The following SLCO3A1 variants were observed in gnomAD, a reference collection of about 807,000 sequenced individuals.
SLCO3A1 encodes the protein PGE1 transporter.
SLCO3A1 carries 27 observed loss-of-function variants against 63.1 expected under a neutral mutation model. That is an observed-to-expected ratio of 0.43 (90% confidence interval 0.32 to 0.59). The LOEUF is 0.59. Ranked by LOEUF, SLCO3A1 falls within the 20% of genes least tolerant of loss-of-function variation. The pLI is 0.09. For missense variants in SLCO3A1, 773 were observed against 945.8 expected (o/e 0.82, Z 2.40); for synonymous variants, 473 against 409.9 (o/e 1.15, Z -1.86).
At chr15:91,933,760 C>T (rs144776318) in intron 2 of SLCO3A1, among the ~76,000 whole-genome samples, 3 of 152,312 alleles carry the variant, frequency 2.0e-5, no homozygotes, top group East Asian at 3.9e-4. Context: ...GCAACTGAGG[C>T]ACAGAGAGGT....
At chr15:92,070,361 GGT>G (rs2047200326) in intron 2 of SLCO3A1, among the ~76,000 whole-genome samples, 1 of 152,228 alleles carries the variant, frequency 6.6e-6, no homozygotes, top group Admixed American at 6.5e-5. Context: ...AATTACGGAG[GGT>G]CGGGTGCGGT....
rs10573199 is a variant in SLCO3A1 at position 92,165,763 on chromosome 15, AAAG to A, written c.*2632_*2634del. On this transcript the variant is annotated 3_prime_UTR_variant, in exon 10 of 10. Coordinates refer to ENST00000318445, the MANE Select transcript of SLCO3A1 (RefSeq NM_013272.4). ...AGTTTTAATTTGCCTTTTGTGCTCT[AAAG>A]AAGCATTGTACATACAACACTAGAT... 0.085 allele frequency: 83,433 copies of A among 984,918 alleles called. 3,714 individuals are homozygous for A. Among genetic ancestry groups the A allele is most frequent in the African/African-American group, 0.1 (5,743 of 57,328 alleles). The allele number at this position is 984,918 out of a possible 1,614,324, so 61.0% of individuals were successfully genotyped here.
At chr15:91,951,386 A>G (rs1899992344) in intron 2 of SLCO3A1, among the ~76,000 whole-genome samples, 2 of 152,220 alleles carry the variant, frequency 1.3e-5, no homozygotes, top group African/African-American at 4.8e-5. Flanking sequence ...CATTATTGGT[A>G]GTACTGCATT....
chr15:91,971,804 GCAGCAGTGGCTCCGTATT>G (rs72127195), intron 2 of SLCO3A1, among the ~76,000 whole-genome samples: 9,084 of 97,986 alleles, frequency 0.093, 397 homozygotes, highest in Non-Finnish European at 0.16. Context: ...ATTTCCCCTA[GCAGCAGTGGCTCCGTATT>G]CAGCAGTGGC....
Position 92,163,721 on chromosome 15 carries a change from C to T in SLCO3A1, c.*586C>T, listed in dbSNP as rs987609635. The T allele has an allele frequency of 1.0e-6, 1 of 985,238 alleles. No homozygotes were observed. The highest frequency in any genetic ancestry group is 4.7e-5 in the South Asian group (1 of 21,274). The allele number at this position is 985,238 out of a possible 1,614,324, so 61.0% of individuals were successfully genotyped here. A position where few individuals can be genotyped will look rare whatever the true frequency, so the allele number is the denominator to read the frequency against. On this transcript the variant is annotated 3_prime_UTR_variant, in exon 10 of 10. Transcript: ENST00000318445. The stretch of plus-strand genomic sequence containing the variant: ...TTCGCAATATGGGTCACTGTGTAGA[C>T]GACTCACCCAGTCTGCATGTGGTTC...
intron 2 of SLCO3A1, among the ~76,000 whole-genome samples, chr15:91,985,630 C>T (rs766460519): frequency 5.9e-5 from 9 of 152,154 alleles, no homozygotes; most frequent in Non-Finnish European, 1.3e-4. Context: ...TTAGCTTTAG[C>T]TGTTCTGGTG....
chr15:92,151,052 G>A lies in SLCO3A1; in HGVS notation c.1753+38G>A, dbSNP rs759820668. 25 of 1,389,334 alleles carry A rather than the reference G, an allele frequency of 1.8e-5. No homozygotes were observed. The African/African-American group carries it at 3.1e-4, about 17-fold the overall frequency. The allele number at this position is 1,389,334 out of a possible 1,614,324, so 86.1% of individuals were successfully genotyped here. A position where few individuals can be genotyped will look rare whatever the true frequency, so the allele number is the denominator to read the frequency against. On this transcript the variant is annotated intron_variant, in intron 9 of 9. Transcript: ENST00000318445. ...TCTTTATTTCCTCAATAATGAATTG[G>A]ATGCTTATTACTAGGTGAGTAACTG... is the stretch of plus-strand genomic sequence containing the variant.
At chr15:92,058,716 A>G (rs988524512) in intron 2 of SLCO3A1, among the ~76,000 whole-genome samples, 1 of 152,200 alleles carries the variant, frequency 6.6e-6, no homozygotes, top group Non-Finnish European at 1.5e-5. Context: ...ACCCAAATGT[A>G]TTCTTTCACA....
In SLCO3A1 at chr15:92,164,626, A is replaced by G. The variant is rs1160324260; in HGVS notation, c.*1491A>G. On this transcript the variant is annotated 3_prime_UTR_variant, in exon 10 of 10. Coordinates refer to ENST00000318445, the MANE Select transcript of SLCO3A1 (RefSeq NM_013272.4). Reference sequence around the variant, plus strand: ...GAAGTCTGTAGCATCTCTGATAACGAATAGACCCACAAGCTCCTGGAAGCT... The same window carrying G: ...GAAGTCTGTAGCATCTCTGATAACGGATAGACCCACAAGCTCCTGGAAGCT... The G allele has an allele frequency of 1.0e-6, 1 of 985,232 alleles. No homozygotes were observed. Among genetic ancestry groups the G allele is most frequent in the East Asian group, 1.1e-4 (1 of 8,828 alleles). 61.0% of individuals were successfully genotyped at this position (985,232 alleles called of 1,614,324 possible). A position where few individuals can be genotyped will look rare whatever the true frequency, so the allele number is the denominator to read the frequency against.
intron 2 of SLCO3A1, among the ~76,000 whole-genome samples, chr15:92,093,209 A>G (rs1317889079): frequency 6.6e-6 from 1 of 152,200 alleles, no homozygotes; most frequent in Admixed American, 6.5e-5. Context: ...GGGGTTTTGC[A>G]GACAGTACCG....
chr15:92,048,134 G>T (rs2046912562), intron 2 of SLCO3A1, among the ~76,000 whole-genome samples: 1 of 152,050 alleles, frequency 6.6e-6, no homozygotes, highest in South Asian at 2.1e-4. Flanking sequence ...GTGGCATCTA[G>T]AATCTGTTTA....
rs113084427 is a variant in SLCO3A1, at chr15:92,117,204, G to C, written c.1010-3261G>C. On this transcript the variant is annotated intron_variant, in intron 4 of 9. Coordinates refer to ENST00000318445, the MANE Select transcript of SLCO3A1 (RefSeq NM_013272.4). The stretch of plus-strand genomic sequence containing the variant: ...ATCATGATGACTCTGAACAAGGACA[G>C]GGAGATACCAGGACCTAAATAGATA... 4.0e-4 allele frequency among the ~76,000 whole-genome samples: 61 copies of C among 152,312 alleles called. 1 individual carries two copies. Among genetic ancestry groups the C allele is most frequent in the African/African-American group, 1.4e-3 (58 of 41,576 alleles).
intron 2 of SLCO3A1, among the ~76,000 whole-genome samples, chr15:91,946,981 A>C (rs775051196): frequency 1.1e-4 from 16 of 152,182 alleles, no homozygotes; most frequent in Non-Finnish European, 1.6e-4. Context: ...GGATGAGTCA[A>C]TGGTGCTCAC....
At chr15:91,932,451 G>GT (rs559551525) in intron 2 of SLCO3A1, among the ~76,000 whole-genome samples, 2,078 of 145,366 alleles carry the variant, frequency 0.014, 16 homozygotes, top group African/African-American at 0.04. Flanking sequence ...TTTATTAGCA[G>GT]TTTTTTTTTT....
At chr15:91,994,532 TTAAGGAGGAGCA>T (rs1359738089) in intron 2 of SLCO3A1, among the ~76,000 whole-genome samples, 2 of 152,198 alleles carry the variant, frequency 1.3e-5, no homozygotes, top group Admixed American at 1.3e-4. Context: ...TGTGTTGTCC[TTAAGGAGGAGCA>T]TGTTTTAGAA....
Position 91,968,470 on chromosome 15 carries a change from A to G in SLCO3A1, c.646+52012A>G, listed in dbSNP as rs1900738860. Among the ~76,000 whole-genome samples the G allele has an allele frequency of 1.3e-5, 2 of 152,216 alleles. No homozygotes were observed. The highest frequency in any genetic ancestry group is 6.5e-5 in the Admixed American group (1 of 15,290). On this transcript the variant is annotated intron_variant, in intron 2 of 9. Transcript: ENST00000318445. This position sits in a 1 kb window ranked among gnomAD's most constrained non-coding sequence, Gnocchi z 4.2. ...TATGCAGCATGGAGGTGTCCTGGCT[A>G]GAACAGGGCCTCTAATTTATCATGT...
rs756702269 is a variant in SLCO3A1, at chr15:91,882,086, C to T, written c.180+27998C>T. 6.6e-6 allele frequency among the ~76,000 whole-genome samples: 1 copy of T among 152,132 alleles called. No individual in the cohort carries two copies. Among genetic ancestry groups the T allele is most frequent in the Non-Finnish European group, 1.5e-5 (1 of 68,026 alleles). On this transcript the variant is annotated intron_variant, in intron 1 of 9. Transcript: ENST00000318445. This position sits in a 1 kb window ranked among gnomAD's most constrained non-coding sequence, Gnocchi z 4.4. The stretch of plus-strand genomic sequence containing the variant: ...GAGGTGGAATATTACTCAAGGACAT[C>T]CCCTTAGTTGCCTAGAAGGGAAGCA...
chr15:92,075,748 A>T (rs1400901370), intron 2 of SLCO3A1, among the ~76,000 whole-genome samples: 2 of 152,222 alleles, frequency 1.3e-5, no homozygotes, highest in South Asian at 2.1e-4. Flanking sequence ...CCTTTGGCAC[A>T]CTGGCCAAGA....
chr15:91,884,904 A>G (rs1897685950), intron 1 of SLCO3A1, among the ~76,000 whole-genome samples: 1 of 151,972 alleles, frequency 6.6e-6, no homozygotes, highest in African/African-American at 2.4e-5. Flanking sequence ...GCTGAGCATC[A>G]CGGAAACTAG....
Sources: gnomAD v4.1 joint callset for allele counts (sites outside exome capture counted in the v4.1 genomes callset) on GRCh38, gnomAD v4.1.1 for gene constraint, Gnocchi (gnomAD v3.1) non-coding constraint, MANE v1.5 for transcripts, NCBI Gene and HGNC (gene_info 2026-07-23, HGNC 2026-07-21) for gene names.